PPFIA4: variants seen among roughly 807,000 people sequenced by gnomAD.
The protein encoded by PPFIA4 is PPFI scaffold protein A4.
A neutral mutation model predicts 145.7 loss-of-function variants in PPFIA4; 98 were observed. The ratio of observed to expected loss-of-function variants is 0.67; its 90% CI spans 0.57 to 0.80. The LOEUF (loss-of-function observed/expected upper bound fraction) is 0.80, where lower values mean the gene tolerates loss of function less well. Among genes scored for constraint, PPFIA4 ranks in the 30% least tolerant of loss-of-function variants. The pLI is 0.00. For synonymous variants in PPFIA4, 628 were observed against 649.6 expected (o/e 0.97, Z 0.51); for missense variants, 1,457 against 1,632.7 (o/e 0.89, Z 1.85).
rs767012575 is a variant in PPFIA4, at chr1:203,055,371, A to G, written c.1830-61A>G. The stretch of plus-strand genomic sequence containing the variant: ...GTGGCGAGTGCAGGCATCGACCCGC[A>G]CTGCCTCCTGCTGGTCCTGGCTGGG... On this transcript the variant is annotated intron_variant, in intron 15 of 29. Coordinates refer to ENST00000295706, the MANE Select transcript of PPFIA4 (RefSeq NM_001304331.2). The surrounding 1 kb of genome is among the most constrained non-coding windows in gnomAD (Gnocchi z 4.8). 6.2e-6 allele frequency: 10 copies of G among 1,605,530 alleles called. No individual in the cohort carries two copies. In the East Asian group the frequency reaches 1.1e-4, roughly 18 times the overall value.
At chr1:203,053,994 A>C (rs2291691) in intron 15 of PPFIA4, 33 bp downstream of exon 15, 354,213 of 1,547,516 alleles carry the variant, frequency 0.23, 41,678 homozygotes, top group South Asian at 0.28. Flanking sequence ...TGGGAAGTGC[A>C]TTGAAGGGCA....
At chr1:203,029,402 C>T (rs1658662859) in intron 1 of PPFIA4, among the ~76,000 whole-genome samples, 1 of 152,222 alleles carries the variant, frequency 6.6e-6, no homozygotes, top group Admixed American at 6.5e-5. Context: ...TTCCGTTGGT[C>T]AAACTCCACG....
intron 7 of PPFIA4, 136 bp downstream of exon 7, chr1:203,045,695 G>C: frequency 6.9e-7 from 1 of 1,459,658 alleles, no homozygotes; most frequent in East Asian, 2.4e-5. Context: ...GTCATGGAAG[G>C]GGTGGGCCAA....
Position 203,068,558 on chromosome 1 carries a change from T to C in PPFIA4, c.3254T>C (p.Leu1085Pro). The part of the protein sequence containing the change: ...LHESGVHGAL[L>P]ALDENFDHNT... ...GAGAGTGGTGTGCATGGAGCCTTGC[T>C]GGCCCTGGACGAGAACTTCGACCAC... Residue 1085 changes from leucine to proline, a missense_variant, in exon 27 of 30, where the codon CTG becomes CCG. By Grantham distance (98) the Leu-to-Pro change is moderately conservative. This residue lies in a region of PPFIA4 where 848 missense variants were observed against 1,046.7 expected (regional missense o/e 0.81). Transcript: ENST00000295706. This position sits in a 1 kb window ranked among gnomAD's most constrained non-coding sequence, Gnocchi z 4.7. 6.2e-7 allele frequency: 1 copy of C among 1,603,944 alleles called. No individual in the cohort carries two copies. The highest frequency in any genetic ancestry group is 1.1e-5 in the South Asian group (1 of 89,122).
At chr1:203,047,209 C>T (rs1296909461) in intron 9 of PPFIA4, among the ~76,000 whole-genome samples, 2 of 152,164 alleles carry the variant, frequency 1.3e-5, no homozygotes, top group East Asian at 1.9e-4. Flanking sequence ...TGGCTGTGTC[C>T]CAGCAGACCC....
Position 203,043,867 on chromosome 1 carries a change from C to A in PPFIA4, c.337-64C>A, listed in dbSNP as rs911723765. ...CTGCTCGGGGATCACATGGACCCTG[C>A]TTGTAGCCCCTGGGGCACATGCTTA... is the stretch of plus-strand genomic sequence containing the variant. On this transcript the variant is annotated intron_variant, in intron 3 of 29. Transcript: ENST00000295706. The surrounding 1 kb of genome is among the most constrained non-coding windows in gnomAD (Gnocchi z 4.4). 8.1e-6 allele frequency: 12 copies of A among 1,481,864 alleles called. No individual in the cohort carries two copies. The highest frequency in any genetic ancestry group is 1.0e-5 in the Non-Finnish European group (11 of 1,101,516). 91.8% of individuals were successfully genotyped at this position (1,481,864 alleles called of 1,614,324 possible). A position where few individuals can be genotyped will look rare whatever the true frequency, so the allele number is the denominator to read the frequency against.
In PPFIA4 at chr1:203,061,409, T is replaced by C. The variant is rs556861184; in HGVS notation, c.2848-243T>C. On this transcript the variant is annotated intron_variant, in intron 23 of 29. Transcript: ENST00000295706. ...TGTTGGGAGAGCTGGGCATCTTGCC[T>C]GGCTCCCAGTCAAGCCTGGGAGGTG... The C allele has an allele frequency of 7.7e-6, 4 of 519,006 alleles. No homozygotes were observed. In the East Asian group the frequency reaches 9.9e-5, roughly 13 times the overall value. 32.2% of individuals were successfully genotyped at this position (519,006 alleles called of 1,614,324 possible).
chr1:203,077,123 T>C lies in PPFIA4; in HGVS notation c.*733T>C, dbSNP rs1231738096. 6.6e-6 allele frequency: 1 copy of C among 152,152 alleles called. No individual in the cohort carries two copies. Among genetic ancestry groups the C allele is most frequent in the Admixed American group, 6.5e-5 (1 of 15,280 alleles). 9.4% of individuals were successfully genotyped at this position (152,152 alleles called of 1,614,324 possible). On this transcript the variant is annotated 3_prime_UTR_variant, in exon 30 of 30. Coordinates refer to ENST00000295706, the MANE Select transcript of PPFIA4 (RefSeq NM_001304331.2). ...CTGAGCTCTGAGCCAAGGGTGAGGATGGGGAAACTCTAAGCTCCCACCTAA... is the reference window on the plus strand; with the variant it reads ...CTGAGCTCTGAGCCAAGGGTGAGGACGGGGAAACTCTAAGCTCCCACCTAA...
chr1:203,066,783 C>A (rs6670788), intron 25 of PPFIA4, among the ~76,000 whole-genome samples: 55,749 of 152,070 alleles, frequency 0.37, 10,367 homozygotes, highest in Middle Eastern at 0.44. Context: ...TAATTATTTC[C>A]TTTAATTCAT....
At chr1:203,072,043 C>A (rs1351229247) in intron 28 of PPFIA4, among the ~76,000 whole-genome samples, 3 of 152,218 alleles carry the variant, frequency 2.0e-5, no homozygotes, top group Non-Finnish European at 2.9e-5. Context: ...TGTGCCCCGC[C>A]TTCCTATCCA....
At chr1:203,067,870 G>C in intron 26 of PPFIA4, 78 bp downstream of exon 26, 15 of 1,203,416 alleles carry the variant, frequency 1.2e-5, no homozygotes, top group Non-Finnish European at 1.8e-5. Context: ...TGGAGGGGAG[G>C]CATTCTGTGT....
chr1:203,044,907 A>G (rs1355194194), intron 6 of PPFIA4, 122 bp downstream of exon 6: 2 of 823,056 alleles, frequency 2.4e-6, no homozygotes, highest in Admixed American at 2.2e-5. Context: ...TTTCTCTGAT[A>G]TTCCCCCTTC....
chr1:203,074,162 T>C (rs1008433481), intron 28 of PPFIA4, among the ~76,000 whole-genome samples: 1 of 152,160 alleles, frequency 6.6e-6, no homozygotes, highest in Non-Finnish European at 1.5e-5. Context: ...GGCTTAATGA[T>C]GCTTAGCTAC....
intron 15 of PPFIA4, among the ~76,000 whole-genome samples, chr1:203,054,580 A>G (rs1571706924): frequency 6.6e-6 from 1 of 152,136 alleles, no homozygotes; most frequent in Non-Finnish European, 1.5e-5. Flanking sequence ...CAGCAGGGCA[A>G]TATCTGAGCT....
intron 25 of PPFIA4, 143 bp from the exon 26 acceptor site, chr1:203,067,552 A>G: frequency 1.5e-6 from 1 of 678,324 alleles, no homozygotes; most frequent in Non-Finnish European, 2.6e-6. Context: ...GGCCCTGGGG[A>G]AGGAGGAGCA....
intron 27 of PPFIA4, among the ~76,000 whole-genome samples, chr1:203,070,262 C>T (rs1474740560): frequency 2.0e-5 from 3 of 151,954 alleles, no homozygotes; most frequent in African/African-American, 4.8e-5. Flanking sequence ...TAGTGTGTGA[C>T]CCAATACGGA....
At chr1:203,072,273 GTT>G (rs1377883079) in intron 28 of PPFIA4, among the ~76,000 whole-genome samples, 1 of 152,206 alleles carries the variant, frequency 6.6e-6, no homozygotes, top group Non-Finnish European at 1.5e-5. Context: ...AGTCTGCACA[GTT>G]AAACACACGC....
At chr1:203,050,676 C>A (rs547137715) in intron 13 of PPFIA4, among the ~76,000 whole-genome samples, 1 of 152,088 alleles carries the variant, frequency 6.6e-6, no homozygotes, top group Non-Finnish European at 1.5e-5. Context: ...GAGAAGCCCA[C>A]GGGTGTCTGG....
chr1:203,035,767 T>C, intron 1 of PPFIA4: 1 of 420,100 alleles, frequency 2.4e-6, no homozygotes, highest in Non-Finnish European at 4.8e-6. Flanking sequence ...CCCACGTGGC[T>C]GTCCTGGGGC....
Sources: gnomAD v4.1 joint callset for allele counts (sites outside exome capture counted in the v4.1 genomes callset) on GRCh38, gnomAD v4.1.1 for gene constraint, gnomAD v4.1.1 regional missense constraint, Gnocchi (gnomAD v3.1) non-coding constraint, MANE v1.5 for transcripts, NCBI Gene and HGNC (gene_info 2026-07-23, HGNC 2026-07-21) for gene names.